The following CNTN4 variants were observed in gnomAD, a reference collection of about 807,000 sequenced individuals.
CNTN4 encodes the protein contactin 4.
Under a neutral mutation model 122.5 loss-of-function variants are expected in CNTN4, and 77 were observed. The observed-to-expected ratio is 0.63, with a 90% CI of 0.52 to 0.76. CNTN4 has a LOEUF of 0.76. Among genes scored for constraint, CNTN4 ranks in the 30% least tolerant of loss-of-function variants. The pLI is 0.00. For synonymous variants in CNTN4, 512 were observed against 447.0 expected (o/e 1.15, Z -1.83); for missense variants, 1,256 against 1,259.1 (o/e 1.00, Z 0.04).
intron 2 of CNTN4, among the ~76,000 whole-genome samples, chr3:2,288,477 C>G (rs182018790): frequency 1.6e-4 from 24 of 152,292 alleles, no homozygotes; most frequent in Non-Finnish European, 2.9e-4. Context: ...AGGTATCTAT[C>G]TCCCTGACCC....
chr3:2,313,886 G>A (rs1281715151), intron 2 of CNTN4, among the ~76,000 whole-genome samples: 1 of 151,556 alleles, frequency 6.6e-6, no homozygotes, highest in Non-Finnish European at 1.5e-5. Context: ...AAGTTTTTCT[G>A]TCTAGTAAGA....
intron 2 of CNTN4, among the ~76,000 whole-genome samples, chr3:2,189,278 A>G (rs1016665397): frequency 3.9e-5 from 6 of 152,104 alleles, no homozygotes; most frequent in Non-Finnish European, 5.9e-5. Context: ...GTAAAACACA[A>G]TGTGAGGAGG....
At chr3:2,838,245 G>A (rs1448490692) in intron 7 of CNTN4, among the ~76,000 whole-genome samples, 3 of 152,148 alleles carry the variant, frequency 2.0e-5, no homozygotes, top group Non-Finnish European at 4.4e-5. Flanking sequence ...TGCGAATGAA[G>A]GCACCCATTA....
chr3:2,406,855 T>A (rs980450541), intron 3 of CNTN4, among the ~76,000 whole-genome samples: 1 of 150,374 alleles, frequency 6.7e-6, no homozygotes, highest in South Asian at 2.1e-4. Context: ...TACCTAACTT[T>A]ATTAAGCCTC....
intron 2 of CNTN4, among the ~76,000 whole-genome samples, chr3:2,177,648 G>C (rs1398866567): frequency 1.0e-5 from 1 of 98,528 alleles, no homozygotes; most frequent in Non-Finnish European, 2.1e-5. Context: ...ATGGGATTGT[G>C]TGTGTGTTTG....
At chr3:2,974,539 CT>C (rs1306353552) in intron 13 of CNTN4, among the ~76,000 whole-genome samples, 1 of 152,302 alleles carries the variant, frequency 6.6e-6, no homozygotes, top group East Asian at 1.9e-4. Flanking sequence ...GGGGTTGAGA[CT>C]CCCAAGTCAC....
chr3:2,839,134 T>G (rs927274914), intron 7 of CNTN4, among the ~76,000 whole-genome samples: 1 of 152,232 alleles, frequency 6.6e-6, no homozygotes, highest in South Asian at 2.1e-4. Flanking sequence ...TCCTAATTGT[T>G]ATGTCAAAAC....
intron 4 of CNTN4, among the ~76,000 whole-genome samples, chr3:2,582,837 A>G (rs1458230554): frequency 6.6e-6 from 1 of 152,004 alleles, no homozygotes; most frequent in African/African-American, 2.4e-5. Flanking sequence ...ATATTGAGTC[A>G]GTAATTAAAC....
chr3:2,635,800 T>C (rs1055199524), intron 4 of CNTN4, among the ~76,000 whole-genome samples: 1 of 152,158 alleles, frequency 6.6e-6, no homozygotes, highest in African/African-American at 2.4e-5. Flanking sequence ...TTGAGAAAGT[T>C]ACGTTTGTTG....
intron 6 of CNTN4, among the ~76,000 whole-genome samples, chr3:2,751,220 A>C (rs1469253375): frequency 6.6e-6 from 1 of 152,154 alleles, no homozygotes; most frequent in Non-Finnish European, 1.5e-5. Context: ...AGGCAGGAGA[A>C]TGGCTTGAAC....
chr3:2,641,052 A>G (rs1252639836), intron 4 of CNTN4, among the ~76,000 whole-genome samples: 2 of 152,188 alleles, frequency 1.3e-5, no homozygotes, highest in Non-Finnish European at 2.9e-5. Flanking sequence ...AACTAAGACA[A>G]ATTCTGCCAG....
intron 7 of CNTN4, among the ~76,000 whole-genome samples, chr3:2,853,917 G>A (rs190732865): frequency 7.9e-5 from 12 of 152,248 alleles, no homozygotes; most frequent in African/African-American, 2.2e-4. Flanking sequence ...GATGACTGCC[G>A]TTCCCCAAAA....
intron 4 of CNTN4, among the ~76,000 whole-genome samples, chr3:2,596,098 A>G (rs568772553): frequency 6.6e-5 from 10 of 152,352 alleles, no homozygotes; most frequent in African/African-American, 1.4e-4. Flanking sequence ...ATTAAAAGCA[A>G]TGAATGAATA....
At chr3:2,988,015 A>G (rs781339034) in intron 13 of CNTN4, among the ~76,000 whole-genome samples, 94 of 152,326 alleles carry the variant, frequency 6.2e-4, no homozygotes, top group Non-Finnish European at 4.7e-4. Flanking sequence ...ACTAATGGTG[A>G]TCTACCGTAA....
chr3:2,451,510 G>T (rs2048828186), intron 3 of CNTN4, among the ~76,000 whole-genome samples: 1 of 148,730 alleles, frequency 6.7e-6, no homozygotes, highest in Admixed American at 6.7e-5. Context: ...GTACTAAACT[G>T]GTTATATGTA....
chr3:3,039,307 T>C, intron 19 of CNTN4: 2 of 314,944 alleles, frequency 6.4e-6, no homozygotes, highest in South Asian at 8.0e-5. Flanking sequence ...CTTTTCTTCC[T>C]GAATTGCTGC....
At chr3:2,510,268 G>T (rs946494255) in intron 3 of CNTN4, among the ~76,000 whole-genome samples, 11 of 152,140 alleles carry the variant, frequency 7.2e-5, no homozygotes, top group African/African-American at 2.7e-4. Flanking sequence ...GACAAGAATA[G>T]AATGTCACAT....
intron 2 of CNTN4, among the ~76,000 whole-genome samples, chr3:2,203,949 C>T (rs2038224546): frequency 6.6e-6 from 1 of 152,080 alleles, no homozygotes; most frequent in South Asian, 2.1e-4. Flanking sequence ...CTTCCCTTTT[C>T]TTTCATAGCT....
intron 8 of CNTN4, among the ~76,000 whole-genome samples, chr3:2,872,063 CTTA>C (rs757441976): frequency 3.9e-5 from 6 of 152,144 alleles, no homozygotes; most frequent in Non-Finnish European, 8.8e-5. Context: ...TCCATTGATC[CTTA>C]TTAGCACAGC....
Sources: allele counts gnomAD v4.1 joint callset (sites outside exome capture counted in the v4.1 genomes callset), GRCh38; gene constraint gnomAD v4.1.1; transcripts MANE v1.5; gene names NCBI Gene and HGNC (gene_info 2026-07-23, HGNC 2026-07-21).